PCDHGA9: variants seen among roughly 807,000 people sequenced by gnomAD.
PCDHGA9 encodes the protein protocadherin gamma-A9.
PCDHGA9 carries 37 observed loss-of-function variants against 62.5 expected under a neutral mutation model. The observed-to-expected ratio is 0.59, with a 90% CI of 0.46 to 0.78. PCDHGA9 has a LOEUF of 0.78. PCDHGA9 is among the 30% of genes least tolerant of loss of function. PCDHGA9 has a pLI of 0.00. For missense variants in PCDHGA9, 1,138 were observed against 1,166.2 expected (o/e 0.98, Z 0.35); for synonymous variants, 459 against 484.6 (o/e 0.95, Z 0.69).
intron 3 of PCDHGA9, among the ~76,000 whole-genome samples, chr5:141,509,781 T>TCATC (rs1198131164): frequency 6.6e-6 from 1 of 152,116 alleles, no homozygotes; most frequent in Non-Finnish European, 1.5e-5. Flanking sequence ...GTCCCCGAGA[T>TCATC]CATCATCTCC....
intron 2 of PCDHGA9, among the ~76,000 whole-genome samples, chr5:141,497,541 T>A (rs1157403777): frequency 1.1e-5 from 1 of 89,566 alleles, no homozygotes; most frequent in Admixed American, 1.2e-4. Context: ...GCAACAAACC[T>A]TTTTTTTTTT....
intron 2 of PCDHGA9, 166 bp from the exon 3 acceptor site, chr5:141,505,227 T>C: frequency 1.2e-6 from 1 of 840,112 alleles, no homozygotes; most frequent in Non-Finnish European, 1.4e-6. Context: ...TGTGGGATTC[T>C]GGCTTCTGAA....
chr5:141,410,068 C>T (rs2095353806), intron 1 of PCDHGA9: 1 of 1,612,832 alleles, frequency 6.2e-7, no homozygotes, highest in Non-Finnish European at 8.5e-7. Context: ...TGGGGCTGCG[C>T]ACTGGGGAGG....
intron 1 of PCDHGA9, among the ~76,000 whole-genome samples, chr5:141,473,990 G>A (rs988540565): frequency 2.0e-5 from 3 of 152,130 alleles, no homozygotes; most frequent in African/African-American, 7.2e-5. Flanking sequence ...GATCCCTTGA[G>A]CCCAAGGAGC....
chr5:141,486,803 C>T lies in PCDHGA9; in HGVS notation c.2425-8004C>T. 1 of 1,614,228 alleles carries T rather than the reference C, an allele frequency of 6.2e-7. No homozygotes were observed. Among genetic ancestry groups the T allele is most frequent in the South Asian group, 1.1e-5 (1 of 91,084 alleles). ...GCAGGCCCGGGATCGGGGCAACCCACCCCTTAGCAGCACTGTAACAGTTCG... is the reference window on the plus strand; with the variant it reads ...GCAGGCCCGGGATCGGGGCAACCCATCCCTTAGCAGCACTGTAACAGTTCG... On this transcript the variant is annotated intron_variant, in intron 1 of 3. Coordinates refer to ENST00000573521, the MANE Select transcript of PCDHGA9 (RefSeq NM_018921.3). The surrounding 1 kb of genome is among the most constrained non-coding windows in gnomAD (Gnocchi z 5.0).
intron 1 of PCDHGA9, among the ~76,000 whole-genome samples, chr5:141,468,754 T>C (rs1205525962): frequency 6.6e-6 from 1 of 152,036 alleles, no homozygotes; most frequent in Admixed American, 6.6e-5. Flanking sequence ...TAGTCCCAGC[T>C]ACTCGGGAGG....
Position 141,490,019 on chromosome 5 carries a change from T to C in PCDHGA9, c.2425-4788T>C. 2 of 1,614,272 alleles carry C rather than the reference T, an allele frequency of 1.2e-6. No homozygotes were observed. Among genetic ancestry groups the C allele is most frequent in the East Asian group, 2.2e-5 (1 of 44,886 alleles). ...CCAGAGAATGCACCCATTGGTACTCTGCTGCTCCGCCTCAATGCCACTGAT... is the reference window on the plus strand; with the variant it reads ...CCAGAGAATGCACCCATTGGTACTCCGCTGCTCCGCCTCAATGCCACTGAT... On this transcript the variant is annotated intron_variant, in intron 1 of 3. Coordinates refer to ENST00000573521, the MANE Select transcript of PCDHGA9 (RefSeq NM_018921.3). This position sits in a 1 kb window ranked among gnomAD's most constrained non-coding sequence, Gnocchi z 5.4.
In PCDHGA9 at chr5:141,491,406, C is replaced by G. The variant is rs773729429; in HGVS notation, c.2425-3401C>G. On this transcript the variant is annotated intron_variant, in intron 1 of 3. Transcript: ENST00000573521. This position sits in a 1 kb window ranked among gnomAD's most constrained non-coding sequence, Gnocchi z 6.9. ...CGAAGTGCCTTCAGGGAAACGCAGA[C>G]GGGGACGGGGGTGGAGGGCAGTGCT... 9 of 1,613,978 alleles carry G rather than the reference C, an allele frequency of 5.6e-6. No homozygotes were observed.
chr5:141,489,275 A>C lies in PCDHGA9; in HGVS notation c.2425-5532A>C. On this transcript the variant is annotated intron_variant, in intron 1 of 3. Transcript: ENST00000573521. This position sits in a 1 kb window ranked among gnomAD's most constrained non-coding sequence, Gnocchi z 4.5. ...AAGACACTCCCACAGCTCGCTGGGA[A>C]ATGGCAAGTGCTGTGCATGTTGTCC... The C allele has an allele frequency of 4.5e-6, 7 of 1,556,298 alleles. No individual in the cohort carries two copies. Among genetic ancestry groups the C allele is most frequent in the Non-Finnish European group, 6.1e-6 (7 of 1,151,600 alleles).
At chr5:141,437,393 G>T (rs1034237295) in intron 1 of PCDHGA9, among the ~76,000 whole-genome samples, 3 of 152,180 alleles carry the variant, frequency 2.0e-5, no homozygotes, top group Admixed American at 6.5e-5. Flanking sequence ...TTCATCCACT[G>T]CTTTCATTCC....
chr5:141,404,266 C>T lies in PCDHGA9; in HGVS notation c.1314C>T (p.Ile438=). 6.2e-7 allele frequency: 1 copy of T among 1,613,980 alleles called. No individual in the cohort carries two copies. ...GTPPLSTEIH[I]TLQVTDINDN... ...CGCCCCTGTCCACAGAAATTCACAT[C>T]ACCCTGCAAGTGACTGACATCAATG... Residue 438 remains isoleucine, a synonymous_variant, in exon 1 of 4, where the codon ATC becomes ATT. Coordinates refer to ENST00000573521, the MANE Select transcript of PCDHGA9 (RefSeq NM_018921.3).
Position 141,485,057 on chromosome 5 carries a change from C to T in PCDHGA9, c.2425-9750C>T. 1 of 843,720 alleles carries T rather than the reference C, an allele frequency of 1.2e-6. No individual in the cohort carries two copies. The highest frequency in any genetic ancestry group is 1.9e-6 in the Non-Finnish European group (1 of 524,586). 52.3% of individuals were successfully genotyped at this position (843,720 alleles called of 1,614,324 possible). On this transcript the variant is annotated intron_variant, in intron 1 of 3. Transcript: ENST00000573521. This position sits in a 1 kb window ranked among gnomAD's most constrained non-coding sequence, Gnocchi z 5.7. The stretch of plus-strand genomic sequence containing the variant: ...GTAACCCTTGCGGCGCCGGCCGAAC[C>T]GCGCCAGAGCTGGCGCGGGGAAAGG...
intron 1 of PCDHGA9, among the ~76,000 whole-genome samples, chr5:141,457,480 G>T (rs566798464): frequency 6.6e-6 from 1 of 152,148 alleles, no homozygotes; most frequent in African/African-American, 2.4e-5. Context: ...GCAGGGCCAG[G>T]GTTAGTCTAA....
chr5:141,408,230 C>G (rs1470965375), intron 1 of PCDHGA9: 1 of 1,566,168 alleles, frequency 6.4e-7, no homozygotes, highest in Non-Finnish European at 8.7e-7. Flanking sequence ...GCAGAGGCGC[C>G]GGGCCGGCCC....
rs530001704 is a variant in PCDHGA9, at chr5:141,434,708, ATC to A, written c.2424+29336_2424+29337del. 3.9e-3 allele frequency among the ~76,000 whole-genome samples: 589 copies of A among 152,052 alleles called. 6 individuals are homozygous for A. The highest frequency in any genetic ancestry group is 0.011 in the Admixed American group (170 of 15,250). ...TTGCTGTTAATAAATATGTGGGTAA[ATC>A]TCTGTTCAGGGCTCTCAGCTCTGAA... On this transcript the variant is annotated intron_variant, in intron 1 of 3. Coordinates refer to ENST00000573521, the MANE Select transcript of PCDHGA9 (RefSeq NM_018921.3).
At chr5:141,423,533 T>C (rs2096751691) in intron 1 of PCDHGA9, 1 of 1,613,650 alleles carries the variant, frequency 6.2e-7, no homozygotes, top group Non-Finnish European at 8.5e-7. Flanking sequence ...AAGAGTCACC[T>C]GATTTTCCCC....
intron 2 of PCDHGA9, among the ~76,000 whole-genome samples, chr5:141,501,690 A>G (rs760011264): frequency 5.3e-5 from 8 of 152,158 alleles, no homozygotes; most frequent in Non-Finnish European, 1.0e-4. Context: ...ACTTATCTGC[A>G]GGGTGATTCC....
chr5:141,410,239 T>C, intron 1 of PCDHGA9: 2 of 1,614,024 alleles, frequency 1.2e-6, no homozygotes, highest in Admixed American at 1.7e-5. Flanking sequence ...GCGACCGCCC[T>C]GTACTCTCTG....
Position 141,477,468 on chromosome 5 carries a change from A to G in PCDHGA9, c.2425-17339A>G. ...GTGCGTGTTCAAGTGTCCGACATCA[A>G]TGACAACCCTCCACAATCTTCTCAA... is the stretch of plus-strand genomic sequence containing the variant. On this transcript the variant is annotated intron_variant, in intron 1 of 3. Transcript: ENST00000573521. This position sits in a 1 kb window ranked among gnomAD's most constrained non-coding sequence, Gnocchi z 4.9. 6.2e-7 allele frequency: 1 copy of G among 1,614,158 alleles called. No homozygotes were observed. Among genetic ancestry groups the G allele is most frequent in the Non-Finnish European group, 8.5e-7 (1 of 1,180,022 alleles).
Sources: allele counts gnomAD v4.1 joint callset (sites outside exome capture counted in the v4.1 genomes callset), GRCh38; gene constraint gnomAD v4.1.1; non-coding constraint Gnocchi (gnomAD v3.1); transcripts MANE v1.5; gene names NCBI Gene and HGNC (gene_info 2026-07-23, HGNC 2026-07-21).